Variants in NEGR1 observed in about 807,000 individuals in gnomAD.
The protein encoded by NEGR1 is neuronal growth regulator 1.
A neutral mutation model predicts 40.9 loss-of-function variants in NEGR1; 10 were observed. That is an observed-to-expected ratio of 0.24 (90% confidence interval 0.15 to 0.42). The LOEUF (loss-of-function observed/expected upper bound fraction) is 0.42, where lower values mean the gene tolerates loss of function less well. Among genes scored for constraint, NEGR1 ranks in the 10% least tolerant of loss-of-function variants. The probability of loss-of-function intolerance (pLI) is 1.00; values close to 1 mark genes in which losing one functional copy is unlikely to be tolerated. For missense variants in NEGR1, 352 were observed against 438.9 expected, an observed-to-expected ratio of 0.80 and a Z score of 1.77; for synonymous variants, 185 against 166.8, an observed-to-expected ratio of 1.11 and a Z score of -0.84.
At chr1:71,846,146 T>C (rs1474935643) in intron 2 of NEGR1, among the ~76,000 whole-genome samples, 1 of 152,012 alleles carries the variant, frequency 6.6e-6, no homozygotes, top group Non-Finnish European at 1.5e-5. Flanking sequence ...AGAAAGGTTG[T>C]TATTCTCTTC....
chr1:71,460,305 T>C (rs757265400), intron 6 of NEGR1, among the ~76,000 whole-genome samples: 3 of 152,260 alleles, frequency 2.0e-5, no homozygotes, highest in South Asian at 2.1e-4. Flanking sequence ...TTTCAGACAT[T>C]GTTTCTGTGA....
intron 1 of NEGR1, among the ~76,000 whole-genome samples, chr1:72,237,755 G>A (rs1271193695): frequency 1.3e-5 from 2 of 151,858 alleles, no homozygotes; most frequent in African/African-American, 4.8e-5. Flanking sequence ...TATTTTATTA[G>A]GGAAGCTGGG....
At chr1:72,008,628 T>C (rs562932820) in intron 1 of NEGR1, among the ~76,000 whole-genome samples, 18 of 152,154 alleles carry the variant, frequency 1.2e-4, no homozygotes, top group Non-Finnish European at 2.2e-4. Flanking sequence ...TGAACTTCTA[T>C]AAACACCTGT....
At chr1:72,148,152 A>C (rs1161090018) in intron 1 of NEGR1, among the ~76,000 whole-genome samples, 1 of 152,116 alleles carries the variant, frequency 6.6e-6, no homozygotes, top group Non-Finnish European at 1.5e-5. Flanking sequence ...GCACTGTCCT[A>C]GCAGAGATGC....
At chr1:71,569,646 G>T (rs1023844349) in intron 6 of NEGR1, among the ~76,000 whole-genome samples, 3 of 152,104 alleles carry the variant, frequency 2.0e-5, no homozygotes, top group South Asian at 2.1e-4. Flanking sequence ...GTTACACATG[G>T]TTCTTGCCCT....
At chr1:71,817,062 T>C (rs894018629) in intron 2 of NEGR1, among the ~76,000 whole-genome samples, 11 of 152,078 alleles carry the variant, frequency 7.2e-5, no homozygotes, top group Non-Finnish European at 1.6e-4. Flanking sequence ...TAGTTTGCAT[T>C]CTCTCCTCAG....
intron 2 of NEGR1, among the ~76,000 whole-genome samples, chr1:71,826,968 G>A (rs1658648179): frequency 6.6e-6 from 1 of 151,766 alleles, no homozygotes; most frequent in African/African-American, 2.4e-5. Context: ...CTCTAGTGAA[G>A]AAAGGTGAAA....
intron 3 of NEGR1, among the ~76,000 whole-genome samples, chr1:71,775,471 G>A (rs565488213): frequency 6.6e-6 from 1 of 150,828 alleles, no homozygotes; most frequent in Admixed American, 6.6e-5. Flanking sequence ...TCAGCCTCCC[G>A]AGTAGTTGGG....
intron 1 of NEGR1, among the ~76,000 whole-genome samples, chr1:72,021,383 G>A (rs774880862): frequency 1.6e-4 from 24 of 152,160 alleles, no homozygotes; most frequent in Middle Eastern, 3.4e-3. Flanking sequence ...AAGAATAAAT[G>A]CAAAGGATGT....
chr1:72,059,491 G>C (rs1035020710), intron 1 of NEGR1, among the ~76,000 whole-genome samples: 1 of 151,494 alleles, frequency 6.6e-6, no homozygotes, highest in Non-Finnish European at 1.5e-5. Context: ...TACTCATTCT[G>C]CCTTATGATT....
chr1:71,481,130 T>G (rs187187220), intron 6 of NEGR1, among the ~76,000 whole-genome samples: 1 of 152,072 alleles, frequency 6.6e-6, no homozygotes, highest in East Asian at 1.9e-4. Context: ...TGGATGTATC[T>G]CTTGCTTGAG....
intron 3 of NEGR1, among the ~76,000 whole-genome samples, chr1:71,745,515 A>C (rs1655353323): frequency 6.7e-6 from 1 of 149,984 alleles, no homozygotes; most frequent in Admixed American, 6.8e-5. Context: ...TGAGTGAGAC[A>C]CATCTGTAAC....
At chr1:71,805,128 TG>T (rs776774799) in intron 2 of NEGR1, among the ~76,000 whole-genome samples, 7 of 152,160 alleles carry the variant, frequency 4.6e-5, no homozygotes, top group Non-Finnish European at 8.8e-5. Flanking sequence ...TAATAAATTT[TG>T]GTCAGACCAG....
intron 4 of NEGR1, among the ~76,000 whole-genome samples, chr1:71,648,810 A>G (rs150163947): frequency 3.7e-4 from 57 of 152,148 alleles, no homozygotes; most frequent in African/African-American, 1.3e-3. Context: ...CTGGATTTGG[A>G]AACTTACATG....
At position 71,425,097 on chromosome 1, in the gene NEGR1, A is replaced by G. The variant is rs1414768557; in HGVS notation, c.941-17527T>C. Among the ~76,000 whole-genome samples the G allele has an allele frequency of 3.3e-5, 5 of 152,210 alleles. No homozygotes were observed. In the East Asian group the frequency reaches 9.7e-4, roughly 29 times the overall value. On this transcript the variant is annotated intron_variant, in intron 6 of 6. Transcript: ENST00000357731. ...TGGAAAGGCAGGAAGGGTTAAAGGGACAAAAGTTAGAAATTAAAAAAAAAA... is the reference window on the plus strand; with the variant it reads ...TGGAAAGGCAGGAAGGGTTAAAGGGGCAAAAGTTAGAAATTAAAAAAAAAA...
intron 3 of NEGR1, among the ~76,000 whole-genome samples, chr1:71,714,116 C>A (rs1382516773): frequency 6.6e-6 from 1 of 152,014 alleles, no homozygotes; most frequent in Non-Finnish European, 1.5e-5. Context: ...AGGAGACTTA[C>A]AATCATTGCA....
At chr1:71,948,482 C>CGTGT (rs148586765) in intron 1 of NEGR1, among the ~76,000 whole-genome samples, 111 of 146,326 alleles carry the variant, frequency 7.6e-4, no homozygotes, top group East Asian at 5.3e-3. Flanking sequence ...TCAAAAGGGG[C>CGTGT]GTGTGTGTGT....
intron 6 of NEGR1, among the ~76,000 whole-genome samples, chr1:71,419,444 G>C (rs1646378761): frequency 6.6e-6 from 1 of 152,046 alleles, no homozygotes; most frequent in African/African-American, 2.4e-5. Flanking sequence ...AATTCTCTCA[G>C]TTAGTGTCAC....
chr1:72,104,986 C>T (rs919245593), intron 1 of NEGR1, among the ~76,000 whole-genome samples: 2 of 151,924 alleles, frequency 1.3e-5, no homozygotes, highest in African/African-American at 2.4e-5. Context: ...AGAAATGGAG[C>T]CAGACCCCAT....
Sources: gnomAD v4.1 joint callset for allele counts (sites outside exome capture counted in the v4.1 genomes callset) on GRCh38, gnomAD v4.1.1 for gene constraint, MANE v1.5 for transcripts, NCBI Gene and HGNC (gene_info 2026-07-23, HGNC 2026-07-21) for gene names.